The following MIOS variants were observed in gnomAD, a reference collection of about 807,000 sequenced individuals.
MIOS encodes the protein GATOR2 complex protein MIOS.
Under a neutral mutation model 96.9 loss-of-function variants are expected in MIOS, and 52 were observed. The ratio of observed to expected loss-of-function variants is 0.54; its 90% CI spans 0.43 to 0.68. The LOEUF is 0.68. MIOS is among the 30% of genes least tolerant of loss of function. The probability of loss-of-function intolerance (pLI) is 0.00; values close to 1 mark genes in which losing one functional copy is unlikely to be tolerated. For synonymous variants in MIOS, 397 were observed against 359.5 expected (o/e 1.10, Z -1.18); for missense variants, 1,005 against 1,052.8 (o/e 0.95, Z 0.63).
At position 7,573,176 on chromosome 7, in the gene MIOS, C is replaced by G; in HGVS notation, c.701C>G (p.Pro234Arg). ...TKAVQGVTVD[P>R]YFHDRVASFY... is the part of the protein sequence containing the mutation. Reference sequence around the variant, plus strand: ...GCTGTTCAGGGTGTGACGGTAGACCCATATTTCCACGATCGTGTTGCTTCC... The same window carrying G: ...GCTGTTCAGGGTGTGACGGTAGACCGATATTTCCACGATCGTGTTGCTTCC... The change falls in exon 4 of 13, where the codon CCA becomes CGA. Residue 234 changes from proline to arginine, a missense_variant. By Grantham distance (103) the Pro-to-Arg change is moderately radical. Around this residue, in one of 3 missense-constraint regions of MIOS, gnomAD observed 865 missense variants for 887.9 expected, o/e 0.97. Transcript: ENST00000340080. This position sits in a 1 kb window ranked among gnomAD's most constrained non-coding sequence, Gnocchi z 5.0. The G allele has an allele frequency of 6.2e-7, 1 of 1,614,054 alleles. No individual in the cohort carries two copies. The highest frequency in any genetic ancestry group is 1.1e-5 in the South Asian group (1 of 91,084).
intron 7 of MIOS, among the ~76,000 whole-genome samples, chr7:7,587,002 T>TG (rs1783908253): frequency 6.8e-6 from 1 of 146,698 alleles, no homozygotes; most frequent in African/African-American, 2.7e-5. Flanking sequence ...TTTTTTTTTT[T>TG]TTTTTTGTTG....
At chr7:7,588,948 A>G (rs6463703) in intron 8 of MIOS, among the ~76,000 whole-genome samples, 116,523 of 151,974 alleles carry the variant, frequency 0.77, 45,009 homozygotes, top group Admixed American at 0.83. Context: ...GCTAAGTACT[A>G]TAATAATGAA....
At chr7:7,584,242 T>A (rs1357547033) in intron 6 of MIOS, among the ~76,000 whole-genome samples, 1 of 152,100 alleles carries the variant, frequency 6.6e-6, no homozygotes, top group Non-Finnish European at 1.5e-5. Flanking sequence ...TCCTTCACCT[T>A]TGCTCTAACA....
intron 5 of MIOS, chr7:7,582,521 G>C (rs959194777): frequency 2.0e-5 from 8 of 407,796 alleles, no homozygotes; most frequent in Non-Finnish European, 2.3e-5. Flanking sequence ...TTCTGATTTA[G>C]TAAGGGGAAA....
chr7:7,595,269 G>T, intron 10 of MIOS, 137 bp downstream of exon 10: 1 of 917,970 alleles, frequency 1.1e-6, no homozygotes, highest in Non-Finnish European at 1.6e-6. Context: ...CTTTGTCCTT[G>T]ATCTTCCTGT....
Position 7,608,805 on chromosome 7 carries a change from T to C in MIOS, c.*1713T>C, listed in dbSNP as rs547435644. 1 of 152,186 alleles carries C rather than the reference T, an allele frequency of 6.6e-6. No homozygotes were observed. Among genetic ancestry groups the C allele is most frequent in the Non-Finnish European group, 1.5e-5 (1 of 67,940 alleles). The allele number at this position is 152,186 out of a possible 1,614,324, so 9.4% of individuals were successfully genotyped here. On this transcript the variant is annotated 3_prime_UTR_variant, in exon 13 of 13. Transcript: ENST00000340080. ...CTCAAATAGTTACAAGTTTTGGAAA[T>C]ACAGTATAAAACATGAATGTAAAGT...
At chr7:7,603,762 C>T (rs1364109398) in intron 11 of MIOS, among the ~76,000 whole-genome samples, 4 of 152,022 alleles carry the variant, frequency 2.6e-5, no homozygotes, top group African/African-American at 7.3e-5. Context: ...CACATGCACA[C>T]GTATGTTTAT....
intron 11 of MIOS, 160 bp from the exon 12 acceptor site, chr7:7,605,782 T>A (rs1784512424): frequency 1.7e-6 from 1 of 586,172 alleles, no homozygotes; most frequent in African/African-American, 1.9e-5. Flanking sequence ...CTTCTGTCAT[T>A]CAGTTTCGCT....
At chr7:7,588,684 T>G in intron 8 of MIOS, 121 bp downstream of exon 8, 1 of 513,786 alleles carries the variant, frequency 1.9e-6, no homozygotes, top group East Asian at 3.5e-5. Flanking sequence ...CTAAAAAGTA[T>G]GGTAAGAATT....
rs770531851 is a variant in MIOS, at chr7:7,572,443, A to G, written c.-33A>G. 3.0e-5 allele frequency: 46 copies of G among 1,510,468 alleles called. No homozygotes were observed. Among genetic ancestry groups the G allele is most frequent in the Middle Eastern group, 1.7e-4 (1 of 5,740 alleles). The allele number at this position is 1,510,468 out of a possible 1,614,324, so 93.6% of individuals were successfully genotyped here. A position where few individuals can be genotyped will look rare whatever the true frequency, so the allele number is the denominator to read the frequency against. On this transcript the variant is annotated 5_prime_UTR_variant, in exon 4 of 13. Transcript: ENST00000340080. This position sits in a 1 kb window ranked among gnomAD's most constrained non-coding sequence, Gnocchi z 4.8. ...ATTTTTAAACATTTTCAGTGAATGG[A>G]CCTGAGTGGACCCTTTGATCACATC... is the stretch of plus-strand genomic sequence containing the variant.
In MIOS at chr7:7,574,176, C is replaced by A. The variant is rs1426318343; in HGVS notation, c.1373C>A (p.Ser458Ter). The A allele has an allele frequency of 1.2e-6, 2 of 1,608,402 alleles. No homozygotes were observed. Among genetic ancestry groups the A allele is most frequent in the South Asian group, 2.2e-5 (2 of 90,382 alleles). Reference protein sequence around the residue: ...KGSLVYAGIKSIVKSSLGMVE... With the variant: ...KGSLVYAGIK ...TCATTGGTTTATGCAGGAATTAAAT[C>A]AATTGTAAAGTCATCGTTGGGTAAG... The change falls in exon 5 of 13, where the codon TCA becomes TAA. Residue 458 changes from serine (S) to a stop codon, truncating the protein, a stop_gained. Transcript: ENST00000340080. LOFTEE classifies it high-confidence loss of function.
At position 7,605,836 on chromosome 7, in the gene MIOS, G is replaced by C. The variant is rs566506287; in HGVS notation, c.2402-106G>C. 169 of 1,139,750 alleles carry C rather than the reference G, an allele frequency of 1.5e-4. 1 individual carries two copies. In the African/African-American group the frequency reaches 2.5e-3, roughly 17 times the overall value. 70.6% of individuals were successfully genotyped at this position (1,139,750 alleles called of 1,614,324 possible). A position where few individuals can be genotyped will look rare whatever the true frequency, so the allele number is the denominator to read the frequency against. ...ACCATCAAAATTGCTATTTCAATAT[G>C]ATGTGTGATTCATATTTGGAACACA... is the stretch of plus-strand genomic sequence containing the variant. On this transcript the variant is annotated intron_variant, in intron 11 of 12. Transcript: ENST00000340080.
intron 6 of MIOS, among the ~76,000 whole-genome samples, chr7:7,585,296 A>C: frequency 6.6e-6 from 1 of 152,142 alleles, no homozygotes; most frequent in African/African-American, 2.4e-5. Flanking sequence ...CTTGAAAAGT[A>C]AAAGATCTGC....
At chr7:7,578,018 T>G (rs1208984277) in intron 5 of MIOS, among the ~76,000 whole-genome samples, 1 of 152,176 alleles carries the variant, frequency 6.6e-6, no homozygotes, top group Non-Finnish European at 1.5e-5. Flanking sequence ...GTGAAGACAC[T>G]GCGAGGTTGT....
intron 3 of MIOS, among the ~76,000 whole-genome samples, chr7:7,568,627 G>T (rs1783236604): frequency 6.6e-6 from 1 of 152,196 alleles, no homozygotes; most frequent in African/African-American, 2.4e-5. Context: ...TGCTGTCACT[G>T]TCTGGACATT....
At chr7:7,575,590 C>T (rs958671915) in intron 5 of MIOS, among the ~76,000 whole-genome samples, 1 of 152,054 alleles carries the variant, frequency 6.6e-6, no homozygotes, top group African/African-American at 2.4e-5. Context: ...GAATTAAACA[C>T]CAAGTTTATA....
chr7:7,593,181 G>T (rs941063085), intron 9 of MIOS, among the ~76,000 whole-genome samples: 1 of 152,182 alleles, frequency 6.6e-6, no homozygotes, highest in Non-Finnish European at 1.5e-5. Flanking sequence ...TTTTAAACCA[G>T]GGATTATATG....
chr7:7,570,572 C>T (rs1163862922), intron 3 of MIOS, among the ~76,000 whole-genome samples: 1 of 151,846 alleles, frequency 6.6e-6, no homozygotes, highest in Non-Finnish European at 1.5e-5. Context: ...TTATACAACT[C>T]ACCGTAATGT....
In MIOS at chr7:7,588,973, G is replaced by C. The variant is rs573924351; in HGVS notation, c.1884+410G>C. Among the ~76,000 whole-genome samples the C allele has an allele frequency of 4.6e-5, 7 of 152,236 alleles. No individual in the cohort carries two copies. In the South Asian group the frequency reaches 1.5e-3, roughly 32 times the overall value. ...ATAATAATGAAAAATGCTGGGGAAAGATGGAGGAATCTTGGCAAGAGTTTG... is the reference window on the plus strand; with the variant it reads ...ATAATAATGAAAAATGCTGGGGAAACATGGAGGAATCTTGGCAAGAGTTTG... On this transcript the variant is annotated intron_variant, in intron 8 of 12. Coordinates refer to ENST00000340080, the MANE Select transcript of MIOS (RefSeq NM_019005.4).
Sources: allele counts gnomAD v4.1 joint callset (sites outside exome capture counted in the v4.1 genomes callset), GRCh38; gene constraint gnomAD v4.1.1; regional missense constraint gnomAD v4.1.1; non-coding constraint Gnocchi (gnomAD v3.1); transcripts MANE v1.5; gene names NCBI Gene and HGNC (gene_info 2026-07-23, HGNC 2026-07-21).